The following ALK variants were observed in gnomAD, a reference collection of about 807,000 sequenced individuals.
ALK encodes ALK tyrosine kinase receptor.
ALK carries 74 observed loss-of-function variants against 163.1 expected under a neutral mutation model. That is an observed-to-expected ratio of 0.45 (90% CI 0.38 to 0.55). The LOEUF is 0.55. Ranked by LOEUF, ALK falls within the 20% of genes least tolerant of loss-of-function variation. The pLI, the probability that ALK is intolerant of heterozygous loss-of-function variation, is 0.00. For synonymous variants in ALK, 960 were observed against 843.2 expected (o/e 1.14, Z -2.40); for missense variants, 2,063 against 2,105.3 (o/e 0.98, Z 0.39).
At chr2:29,473,550 C>T (rs1287937451) in intron 4 of ALK, among the ~76,000 whole-genome samples, 1 of 152,020 alleles carries the variant, frequency 6.6e-6, no homozygotes, top group African/African-American at 2.4e-5. Context: ...AAGAAAAATA[C>T]AAACAATACA....
chr2:29,600,162 T>C (rs1184238249), intron 3 of ALK, among the ~76,000 whole-genome samples: 1 of 152,132 alleles, frequency 6.6e-6, no homozygotes, highest in African/African-American at 2.4e-5. Context: ...CAAGACTGTT[T>C]TTCCTGGGAT....
chr2:29,856,961 A>G (rs1666156391), intron 1 of ALK, among the ~76,000 whole-genome samples: 1 of 152,164 alleles, frequency 6.6e-6, no homozygotes, highest in Admixed American at 6.5e-5. Context: ...AAGTGTCCTT[A>G]GTTGTCTGTG....
intron 4 of ALK, among the ~76,000 whole-genome samples, chr2:29,445,529 A>G (rs1377362988): frequency 6.6e-6 from 1 of 152,222 alleles, no homozygotes; most frequent in African/African-American, 2.4e-5. Context: ...ATAGTAAATA[A>G]GGGCTGGGCA....
At chr2:29,255,081 T>TCA (rs1193595942) in intron 11 of ALK, among the ~76,000 whole-genome samples, 1 of 152,218 alleles carries the variant, frequency 6.6e-6, no homozygotes, top group African/African-American at 2.4e-5. Flanking sequence ...CCAGCAGCCT[T>TCA]CAAGGCATGG....
chr2:29,233,538 G>A (rs1333647418), intron 14 of ALK, 27 bp downstream of exon 14: 1 of 1,614,096 alleles, frequency 6.2e-7, no homozygotes, highest in Non-Finnish European at 8.5e-7. Flanking sequence ...CAGGAACCTG[G>A]TGGAAATCTG....
intron 2 of ALK, among the ~76,000 whole-genome samples, chr2:29,711,288 C>T (rs1679094392): frequency 6.6e-6 from 1 of 152,140 alleles, no homozygotes; most frequent in African/African-American, 2.4e-5. Context: ...TCCCTTTTGT[C>T]CAGAACACTC....
chr2:29,337,788 C>T (rs1431722300), intron 5 of ALK, among the ~76,000 whole-genome samples: 1 of 152,164 alleles, frequency 6.6e-6, no homozygotes, highest in Admixed American at 6.5e-5. Flanking sequence ...GCCTTTCGCC[C>T]CTAGTTTCCA....
At chr2:29,856,558 G>A (rs564894567) in intron 1 of ALK, among the ~76,000 whole-genome samples, 42 of 152,308 alleles carry the variant, frequency 2.8e-4, no homozygotes, top group African/African-American at 7.2e-4. Context: ...GGAGGTGCAG[G>A]AATAGATATT....
intron 3 of ALK, among the ~76,000 whole-genome samples, chr2:29,643,752 G>A (rs1214623855): frequency 6.6e-6 from 1 of 152,158 alleles, no homozygotes; most frequent in East Asian, 1.9e-4. Context: ...TTCCCAACAG[G>A]TGATGGAGAG....
chr2:29,264,134 C>T (rs1032729384), intron 11 of ALK, among the ~76,000 whole-genome samples: 6 of 152,232 alleles, frequency 3.9e-5, no homozygotes, highest in Non-Finnish European at 5.9e-5. Flanking sequence ...GTCACTCCCC[C>T]GGCCCAGTCT....
At chr2:29,649,522 A>ATGAACCAT (rs1221184581) in intron 3 of ALK, among the ~76,000 whole-genome samples, 31 of 152,168 alleles carry the variant, frequency 2.0e-4, no homozygotes, top group African/African-American at 7.2e-4. Flanking sequence ...TGGGCCAGGA[A>ATGAACCAT]TGAACCATTG....
At chr2:29,790,221 GC>G (rs1664154681) in intron 1 of ALK, among the ~76,000 whole-genome samples, 1 of 152,082 alleles carries the variant, frequency 6.6e-6, no homozygotes, top group South Asian at 2.1e-4. Context: ...TCACAACCCT[GC>G]ATCTGCCGTA....
intron 8 of ALK, among the ~76,000 whole-genome samples, chr2:29,317,741 A>T (rs1270177439): frequency 6.6e-6 from 1 of 152,272 alleles, no homozygotes; most frequent in East Asian, 1.9e-4. Context: ...TCACTGTACC[A>T]TGCTGGGGTC....
chr2:29,795,216 T>C (rs1021351044), intron 1 of ALK, among the ~76,000 whole-genome samples: 5 of 151,830 alleles, frequency 3.3e-5, no homozygotes, highest in Non-Finnish European at 7.4e-5. Context: ...AGCTAACAAA[T>C]ATGAAAAGTT....
At chr2:29,677,612 T>C (rs1399243993) in intron 3 of ALK, among the ~76,000 whole-genome samples, 1 of 152,080 alleles carries the variant, frequency 6.6e-6, no homozygotes, top group East Asian at 1.9e-4. Context: ...TAAACCAACC[T>C]TGCAATCCTA....
At chr2:29,635,731 T>G (rs541471421) in intron 3 of ALK, among the ~76,000 whole-genome samples, 1 of 151,816 alleles carries the variant, frequency 6.6e-6, no homozygotes, top group South Asian at 2.1e-4. Context: ...GACTCCCGAG[T>G]AGCTGGGATT....
At chr2:29,821,053 G>A (rs1245252258) in intron 1 of ALK, among the ~76,000 whole-genome samples, 1 of 152,216 alleles carries the variant, frequency 6.6e-6, no homozygotes, top group East Asian at 1.9e-4. Context: ...GAGGGCGGGT[G>A]TCTGGCTGAA....
At chr2:29,843,917 G>T (rs1343843260) in intron 1 of ALK, among the ~76,000 whole-genome samples, 1 of 152,138 alleles carries the variant, frequency 6.6e-6, no homozygotes, top group Non-Finnish European at 1.5e-5. Flanking sequence ...CATGAAACTT[G>T]CTGTCTAGTG....
At chr2:29,585,584 T>C (rs952299036) in intron 3 of ALK, among the ~76,000 whole-genome samples, 5 of 152,200 alleles carry the variant, frequency 3.3e-5, no homozygotes, top group East Asian at 3.8e-4. Flanking sequence ...TGCCTCGGCC[T>C]CCCAAGGTGC....
Sources: gnomAD v4.1 joint callset for allele counts (sites outside exome capture counted in the v4.1 genomes callset) on GRCh38, gnomAD v4.1.1 for gene constraint, MANE v1.5 for transcripts, NCBI Gene and HGNC (gene_info 2026-07-23, HGNC 2026-07-21) for gene names.